The following ARHGAP15 variants were observed in gnomAD, a reference collection of about 807,000 sequenced individuals.
ARHGAP15 encodes rho GTPase-activating protein 15.
In ARHGAP15, 51 loss-of-function variants were observed where a neutral mutation model predicts 63.7. The observed-to-expected ratio is 0.80, with a 90% confidence interval of 0.64 to 1.01. ARHGAP15 has a LOEUF of 1.01. ARHGAP15 is among the 50% of genes least tolerant of loss of function. The probability of loss-of-function intolerance (pLI) is 0.00; values close to 1 mark genes in which losing one functional copy is unlikely to be tolerated. For missense variants in ARHGAP15, 560 were observed against 564.6 expected, an observed-to-expected ratio of 0.99 and a Z score of 0.08; for synonymous variants, 191 against 193.8, an observed-to-expected ratio of 0.99 and a Z score of 0.12.
chr2:143,456,204 T>G (rs1251114304), intron 8 of ARHGAP15, among the ~76,000 whole-genome samples: 1 of 152,086 alleles, frequency 6.6e-6, no homozygotes, highest in African/African-American at 2.4e-5. Flanking sequence ...GAATAGTGTC[T>G]GGAGTATAGT....
intron 12 of ARHGAP15, among the ~76,000 whole-genome samples, chr2:143,669,023 G>A (rs1682379705): frequency 6.6e-6 from 1 of 152,226 alleles, no homozygotes; most frequent in African/African-American, 2.4e-5. Flanking sequence ...CAGGTTGAAA[G>A]TCTAAACTAT....
At chr2:143,302,905 GTAAA>G (rs146558723) in intron 6 of ARHGAP15, among the ~76,000 whole-genome samples, 4,139 of 152,118 alleles carry the variant, frequency 0.027, 97 homozygotes, top group East Asian at 0.089. Flanking sequence ...CTGCTCCTCT[GTAAA>G]TAAGTATAAA....
chr2:143,560,566 T>C (rs1215136340), intron 11 of ARHGAP15, among the ~76,000 whole-genome samples: 1 of 152,240 alleles, frequency 6.6e-6, no homozygotes, highest in African/African-American at 2.4e-5. Context: ...AGCTGTTGAT[T>C]ATCTCTTTAT....
At chr2:143,574,641 C>T (rs962264169) in intron 11 of ARHGAP15, among the ~76,000 whole-genome samples, 10 of 151,970 alleles carry the variant, frequency 6.6e-5, no homozygotes, top group African/African-American at 2.4e-4. Context: ...AGGGAGTGTC[C>T]CCAAAGTGTC....
chr2:143,339,703 C>G (rs183892355), intron 6 of ARHGAP15, among the ~76,000 whole-genome samples: 1 of 152,130 alleles, frequency 6.6e-6, no homozygotes, highest in Non-Finnish European at 1.5e-5. Context: ...TGCTTCTCCA[C>G]GGTGCCTATG....
intron 6 of ARHGAP15, among the ~76,000 whole-genome samples, chr2:143,413,144 A>G (rs1400618105): frequency 6.6e-6 from 1 of 152,222 alleles, no homozygotes; most frequent in African/African-American, 2.4e-5. Flanking sequence ...GTAAGACATT[A>G]CATATTAAAA....
At chr2:143,173,654 G>C (rs915603502) in intron 2 of ARHGAP15, among the ~76,000 whole-genome samples, 1 of 152,076 alleles carries the variant, frequency 6.6e-6, no homozygotes, top group African/African-American at 2.4e-5. Flanking sequence ...AGTAAATTGA[G>C]TGGATATTTT....
chr2:143,201,055 G>A (rs1692095836), intron 2 of ARHGAP15, among the ~76,000 whole-genome samples: 1 of 152,036 alleles, frequency 6.6e-6, no homozygotes, highest in South Asian at 2.1e-4. Flanking sequence ...TGGGACGTTT[G>A]AAGTTTAGGG....
intron 4 of ARHGAP15, among the ~76,000 whole-genome samples, chr2:143,218,660 T>C (rs76176114): frequency 0.049 from 7,524 of 152,258 alleles, 586 homozygotes; most frequent in African/African-American, 0.17. Flanking sequence ...TCTATGGTGC[T>C]ATAGAGACAT....
intron 1 of ARHGAP15, among the ~76,000 whole-genome samples, chr2:143,147,657 A>T (rs954980223): frequency 1.3e-5 from 2 of 151,950 alleles, no homozygotes; most frequent in African/African-American, 4.8e-5. Flanking sequence ...ATTGCACCCT[A>T]GGAACCTTTT....
At chr2:143,461,281 CAAAAA>C (rs70982868) in intron 8 of ARHGAP15, among the ~76,000 whole-genome samples, 2 of 55,052 alleles carry the variant, frequency 3.6e-5, no homozygotes, top group Non-Finnish European at 6.1e-5. Flanking sequence ...CTCTGTCTCT[CAAAAA>C]AAAAAAAAAA....
At chr2:143,308,477 AACACACACACACACAC>A (rs4008341) in intron 6 of ARHGAP15, among the ~76,000 whole-genome samples, 1 of 149,172 alleles carries the variant, frequency 6.7e-6, no homozygotes, top group Non-Finnish European at 1.5e-5. Context: ...GTTGATAAGA[AACACACACACACACAC>A]ACACACACAC....
intron 13 of ARHGAP15, among the ~76,000 whole-genome samples, chr2:143,721,379 ACT>A (rs1685051451): frequency 1.3e-5 from 2 of 152,274 alleles, no homozygotes; most frequent in Middle Eastern, 6.8e-3. Flanking sequence ...TCCAAAACCC[ACT>A]CTCAGAATGG....
intron 12 of ARHGAP15, among the ~76,000 whole-genome samples, chr2:143,664,595 C>T (rs1183347470): frequency 3.3e-5 from 5 of 150,652 alleles, no homozygotes; most frequent in Admixed American, 6.6e-5. Context: ...AATAGAGACA[C>T]AAAAAACCCT....
intron 12 of ARHGAP15, among the ~76,000 whole-genome samples, chr2:143,654,668 C>A (rs955940512): frequency 6.6e-6 from 1 of 152,166 alleles, no homozygotes; most frequent in Non-Finnish European, 1.5e-5. Flanking sequence ...GGTTGACTGA[C>A]ATTTCTAGTG....
intron 12 of ARHGAP15, among the ~76,000 whole-genome samples, chr2:143,656,934 GGTGTGTGTGTGTGTGTGTGTGTGT>G (rs5834961): frequency 1.4e-5 from 2 of 144,936 alleles, no homozygotes; most frequent in East Asian, 2.1e-4. Context: ...CAAAGTTTCT[GGTGTGTGTGTGTGTGTGTGTGTGT>G]GTGTGTGTGT....
At chr2:143,482,832 C>A (rs1029714865) in intron 8 of ARHGAP15, among the ~76,000 whole-genome samples, 12 of 152,098 alleles carry the variant, frequency 7.9e-5, no homozygotes, top group African/African-American at 2.9e-4. Flanking sequence ...AAAAAGTATG[C>A]TATATATTAT....
chr2:143,610,369 T>C (rs1438119872), intron 11 of ARHGAP15, among the ~76,000 whole-genome samples: 12 of 152,180 alleles, frequency 7.9e-5, no homozygotes, highest in Admixed American at 7.2e-4. Context: ...TAAAATACAA[T>C]GTTCTTAAGT....
intron 1 of ARHGAP15, among the ~76,000 whole-genome samples, chr2:143,146,004 C>A (rs1250087709): frequency 6.6e-6 from 1 of 151,534 alleles, no homozygotes; most frequent in Non-Finnish European, 1.5e-5. Context: ...TGAAACAACT[C>A]ATTTAGAGGA....
Sources: allele counts gnomAD v4.1 joint callset (sites outside exome capture counted in the v4.1 genomes callset), GRCh38; gene constraint gnomAD v4.1.1; transcripts MANE v1.5; gene names NCBI Gene and HGNC (gene_info 2026-07-23, HGNC 2026-07-21).